CUX2: variants seen among roughly 807,000 people sequenced by gnomAD.
CUX2 encodes the protein cut like homeobox 2, also known as homeobox protein cut-like 2.
In CUX2, 40 loss-of-function variants were observed where a neutral mutation model predicts 144.8. The observed-to-expected ratio is 0.28, with a 90% CI of 0.21 to 0.36. CUX2 has a LOEUF of 0.36. CUX2 is among the 10% of genes least tolerant of loss of function. The pLI, the probability that CUX2 is intolerant of heterozygous loss-of-function variation, is 1.00. For synonymous variants in CUX2, 827 were observed against 875.6 expected, an observed-to-expected ratio of 0.94 and a Z score of 0.98; for missense variants, 1,615 against 1,994.0, an observed-to-expected ratio of 0.81 and a Z score of 3.62.
intron 1 of CUX2, among the ~76,000 whole-genome samples, chr12:111,209,125 A>G (rs1408858075): frequency 6.6e-6 from 1 of 152,212 alleles, no homozygotes. Flanking sequence ...TGAACGTTCT[A>G]CATCTTGAAC....
intron 4 of CUX2, among the ~76,000 whole-genome samples, chr12:111,274,081 T>C (rs1170719717): frequency 6.6e-6 from 1 of 152,064 alleles, no homozygotes; most frequent in Non-Finnish European, 1.5e-5. Flanking sequence ...GGGGGTTTTT[T>C]TGTTGGGTGT....
rs1392586368 is a variant in CUX2 at position 111,061,899 on chromosome 12, A to C, written c.63+27659A>C. ...TTTAGAGTCAGGCACAGTCAAGTTCAAATTCTGCCCCTGCCAATAAGACTT... is the reference window on the plus strand; with the variant it reads ...TTTAGAGTCAGGCACAGTCAAGTTCCAATTCTGCCCCTGCCAATAAGACTT... On this transcript the variant is annotated intron_variant, in intron 1 of 21. Coordinates refer to ENST00000261726, the MANE Select transcript of CUX2 (RefSeq NM_015267.4). The surrounding 1 kb of genome is among the most constrained non-coding windows in gnomAD (Gnocchi z 4.2). 6.6e-6 allele frequency among the ~76,000 whole-genome samples: 1 copy of C among 152,212 alleles called. No homozygotes were observed. Among genetic ancestry groups the C allele is most frequent in the African/African-American group, 2.4e-5 (1 of 41,456 alleles).
chr12:111,324,741 C>T (rs1887694169), intron 18 of CUX2, among the ~76,000 whole-genome samples: 2 of 151,926 alleles, frequency 1.3e-5, no homozygotes, highest in Admixed American at 1.3e-4. Context: ...CTCAGGTGAT[C>T]CACCCACCTT....
chr12:111,301,692 T>C (rs566022167), intron 9 of CUX2, among the ~76,000 whole-genome samples: 8 of 152,268 alleles, frequency 5.3e-5, no homozygotes, highest in Non-Finnish European at 1.0e-4. Context: ...GTTGTCAAGA[T>C]GGTATCTTGC....
intron 18 of CUX2, among the ~76,000 whole-genome samples, chr12:111,326,510 T>G (rs994481924): frequency 1.3e-5 from 2 of 151,834 alleles, no homozygotes; most frequent in Non-Finnish European, 2.9e-5. Context: ...GGTTTTTGGT[T>G]TTTTGAGACA....
intron 1 of CUX2, among the ~76,000 whole-genome samples, chr12:111,196,842 GA>G (rs1880269273): frequency 6.6e-6 from 1 of 152,210 alleles, no homozygotes; most frequent in Non-Finnish European, 1.5e-5. Flanking sequence ...TGCAGTTCTA[GA>G]AGTTCAGGAT....
intron 1 of CUX2, among the ~76,000 whole-genome samples, chr12:111,136,021 C>A (rs780750744): frequency 1.3e-5 from 2 of 151,988 alleles, no homozygotes; most frequent in Admixed American, 6.6e-5. Flanking sequence ...CAGGTGGGTG[C>A]GGGGCCCGGG....
At chr12:111,065,325 C>T (rs1870974178) in intron 1 of CUX2, among the ~76,000 whole-genome samples, 1 of 152,212 alleles carries the variant, frequency 6.6e-6, no homozygotes, top group Non-Finnish European at 1.5e-5. Flanking sequence ...ACTGTTTGCT[C>T]ACCCTTGTTT....
intron 1 of CUX2, among the ~76,000 whole-genome samples, chr12:111,069,085 A>G (rs1187395261): frequency 6.6e-6 from 1 of 151,898 alleles, no homozygotes; most frequent in Non-Finnish European, 1.5e-5. Context: ...CAGCCTGGTG[A>G]CAGAGCAAGA....
At chr12:111,172,723 G>T (rs924833465) in intron 1 of CUX2, among the ~76,000 whole-genome samples, 13 of 152,210 alleles carry the variant, frequency 8.5e-5, no homozygotes, top group Admixed American at 6.5e-5. Flanking sequence ...TCTGTGTCTT[G>T]TCAACCAAAT....
rs1886640184 is a variant in CUX2 at position 111,307,332 on chromosome 12, CT to C, written c.1109+77del. On this transcript the variant is annotated intron_variant, in intron 12 of 21. Transcript: ENST00000261726. The surrounding 1 kb of genome is among the most constrained non-coding windows in gnomAD (Gnocchi z 4.1). ...AGGAGCTCTTGGCAAAGTTCATCAT[CT>C]TCCTCCCTCCTACTAAACCCCATTT... The C allele has an allele frequency of 1.5e-6, 2 of 1,325,988 alleles. No homozygotes were observed. Among genetic ancestry groups the C allele is most frequent in the East Asian group, 2.3e-5 (1 of 43,284 alleles). The allele number at this position is 1,325,988 out of a possible 1,614,324, so 82.1% of individuals were successfully genotyped here. A position where few individuals can be genotyped will look rare whatever the true frequency, so the allele number is the denominator to read the frequency against.
intron 3 of CUX2, among the ~76,000 whole-genome samples, chr12:111,249,831 A>G (rs1883479302): frequency 6.6e-6 from 1 of 152,106 alleles, no homozygotes; most frequent in East Asian, 1.9e-4. Context: ...GAGTTACCAT[A>G]GACTCCCTCT....
chr12:111,144,042 A>G (rs1346362040), intron 1 of CUX2, among the ~76,000 whole-genome samples: 1 of 151,962 alleles, frequency 6.6e-6, no homozygotes, highest in African/African-American at 2.4e-5. Context: ...ATTCTCAGAC[A>G]TTGCTCAGGC....
intron 1 of CUX2, among the ~76,000 whole-genome samples, chr12:111,137,984 C>G (rs888712011): frequency 6.6e-6 from 1 of 152,224 alleles, no homozygotes; most frequent in African/African-American, 2.4e-5. Flanking sequence ...GTGTCTTAAC[C>G]TCTCTGGGCA....
rs1879793357 is a variant in CUX2 at position 111,190,199 on chromosome 12, G to T, written c.64-24001G>T. On this transcript the variant is annotated intron_variant, in intron 1 of 21. Coordinates refer to ENST00000261726, the MANE Select transcript of CUX2 (RefSeq NM_015267.4). This position sits in a 1 kb window ranked among gnomAD's most constrained non-coding sequence, Gnocchi z 4.0. ...TCTCTTCCTTACTGAATTTTTAGGAGTGCTTGATTCTGCACACATCAGATA... is the reference window on the plus strand; with the variant it reads ...TCTCTTCCTTACTGAATTTTTAGGATTGCTTGATTCTGCACACATCAGATA... Among the ~76,000 whole-genome samples, 1 of 152,052 alleles carries T rather than the reference G, an allele frequency of 6.6e-6. No homozygotes were observed. The highest frequency in any genetic ancestry group is 2.4e-5 in the African/African-American group (1 of 41,386).
chr12:111,042,959 A>G (rs1445567143), intron 1 of CUX2, among the ~76,000 whole-genome samples: 1 of 152,152 alleles, frequency 6.6e-6, no homozygotes, highest in Non-Finnish European at 1.5e-5. Context: ...AAGTGAGTTA[A>G]TGCATATGAA....
chr12:111,042,301 G>A (rs772307328), intron 1 of CUX2, among the ~76,000 whole-genome samples: 3 of 152,180 alleles, frequency 2.0e-5, no homozygotes, highest in African/African-American at 2.4e-5. Flanking sequence ...CACAGGGGCC[G>A]CCAGTCCAGG....
In CUX2 at chr12:111,318,245, C is replaced by CTT. The variant is rs541676829; in HGVS notation, c.2003-1752_2003-1751dup. ...CCTGGCTAATTTTTTTTTCTTTTTT[C>CTT]TTTTTTTTTTTTTTTTCACTTTTTT... On this transcript the variant is annotated intron_variant, in intron 16 of 21. Coordinates refer to ENST00000261726, the MANE Select transcript of CUX2 (RefSeq NM_015267.4). Among the ~76,000 whole-genome samples the CTT allele has an allele frequency of 1.0e-3, 79 of 78,890 alleles. 1 individual carries two copies. Among genetic ancestry groups the CTT allele is most frequent in the African/African-American group, 4.8e-3 (67 of 14,060 alleles). 51.8% of individuals were successfully genotyped at this position (78,890 alleles called of 152,430 possible). A position where few individuals can be genotyped will look rare whatever the true frequency, so the allele number is the denominator to read the frequency against.
Position 111,304,373 on chromosome 12 carries a change from G to C in CUX2, c.858+59G>C. 2.8e-6 allele frequency: 4 copies of C among 1,408,872 alleles called. No homozygotes were observed. The South Asian group carries it at 4.8e-5, about 17-fold the overall frequency. 87.3% of individuals were successfully genotyped at this position (1,408,872 alleles called of 1,614,324 possible). ...GCAGAGGGAAAGATCGGGAATGGCTGAGTTTGCAGGTTTCAGCATGTGGGT... is the reference window on the plus strand; with the variant it reads ...GCAGAGGGAAAGATCGGGAATGGCTCAGTTTGCAGGTTTCAGCATGTGGGT... On this transcript the variant is annotated intron_variant, in intron 10 of 21. Coordinates refer to ENST00000261726, the MANE Select transcript of CUX2 (RefSeq NM_015267.4). This position sits in a 1 kb window ranked among gnomAD's most constrained non-coding sequence, Gnocchi z 4.7.
Sources: allele counts gnomAD v4.1 joint callset (sites outside exome capture counted in the v4.1 genomes callset), GRCh38; gene constraint gnomAD v4.1.1; non-coding constraint Gnocchi (gnomAD v3.1); transcripts MANE v1.5; gene names NCBI Gene and HGNC (gene_info 2026-07-23, HGNC 2026-07-21).